The following RAPGEF5 variants were observed in gnomAD, a reference collection of about 807,000 sequenced individuals.
The protein encoded by RAPGEF5 is Rap guanine nucleotide exchange factor 5.
In RAPGEF5, 65 loss-of-function variants were observed where a neutral mutation model predicts 125.2. The observed-to-expected ratio is 0.52, with a 90% CI of 0.43 to 0.64. RAPGEF5 has a LOEUF of 0.64. RAPGEF5 is among the 30% of genes least tolerant of loss of function. RAPGEF5 has a pLI of 0.00. For synonymous variants in RAPGEF5, 391 were observed against 385.9 expected, an observed-to-expected ratio of 1.01 and a Z score of -0.16; for missense variants, 958 against 1,048.1, an observed-to-expected ratio of 0.91 and a Z score of 1.19.
At chr7:22,256,394 A>G (rs1304096148) in intron 7 of RAPGEF5, among the ~76,000 whole-genome samples, 2 of 152,216 alleles carry the variant, frequency 1.3e-5, no homozygotes, top group Non-Finnish European at 2.9e-5. Flanking sequence ...AAACATTGTT[A>G]GAACAGGATT....
intron 9 of RAPGEF5, among the ~76,000 whole-genome samples, chr7:22,217,293 T>C (rs1444718048): frequency 6.6e-6 from 1 of 152,222 alleles, no homozygotes; most frequent in Admixed American, 6.5e-5. Context: ...TTAAGTAAAC[T>C]GCAGTTTCCT....
chr7:22,188,793 G>A (rs1345258523), intron 11 of RAPGEF5, among the ~76,000 whole-genome samples: 1 of 150,494 alleles, frequency 6.6e-6, no homozygotes, highest in Non-Finnish European at 1.5e-5. Context: ...AAGTCACTAG[G>A]TTGACCATCA....
chr7:22,324,130 C>T (rs183603943), intron 1 of RAPGEF5, among the ~76,000 whole-genome samples: 3 of 152,310 alleles, frequency 2.0e-5, no homozygotes, highest in Admixed American at 6.5e-5. Context: ...TAAAAATTAT[C>T]GCCTATCATG....
At chr7:22,130,685 T>C (rs141606763) in intron 24 of RAPGEF5, among the ~76,000 whole-genome samples, 1 of 152,146 alleles carries the variant, frequency 6.6e-6, no homozygotes, top group African/African-American at 2.4e-5. Flanking sequence ...CAGTAAAACA[T>C]AATCTCCTGA....
At chr7:22,186,726 A>T (rs904160183) in intron 11 of RAPGEF5, among the ~76,000 whole-genome samples, 3 of 152,198 alleles carry the variant, frequency 2.0e-5, no homozygotes, top group African/African-American at 7.2e-5. Context: ...TCACAGTTAC[A>T]TTTTTTATAG....
chr7:22,346,386 T>TA (rs1237173446), intron 1 of RAPGEF5, among the ~76,000 whole-genome samples: 1 of 152,094 alleles, frequency 6.6e-6, no homozygotes, highest in Middle Eastern at 3.2e-3. Flanking sequence ...CTTCTCAACG[T>TA]AAAAAAAATT....
At position 22,322,806 on chromosome 7, in the gene RAPGEF5, G is replaced by A. The variant is rs1384906596; in HGVS notation, c.232-4769C>T. On this transcript the variant is annotated intron_variant, in intron 1 of 25. Coordinates refer to ENST00000665637, the MANE Select transcript of RAPGEF5 (RefSeq NM_012294.5). ...AAACATACTGAATTAGAATCTCTACGAGGAGACCTGGGCAGTCTTTCCTCA... is the reference window on the plus strand; with the variant it reads ...AAACATACTGAATTAGAATCTCTACAAGGAGACCTGGGCAGTCTTTCCTCA... Among the ~76,000 whole-genome samples the A allele has an allele frequency of 3.9e-5, 6 of 152,274 alleles. No homozygotes were observed. The South Asian group carries it at 1.0e-3, about 26-fold the overall frequency.
chr7:22,140,169 T>G, intron 20 of RAPGEF5, 54 bp from the exon 21 acceptor site: 1 of 1,469,366 alleles, frequency 6.8e-7, no homozygotes, highest in East Asian at 2.5e-5. Context: ...TTTCCCCAGA[T>G]AATCACAAAA....
At chr7:22,125,487 G>A in intron 25 of RAPGEF5, 117 bp downstream of exon 25, 1 of 927,348 alleles carries the variant, frequency 1.1e-6, no homozygotes, top group East Asian at 2.5e-5. Flanking sequence ...ATATGCGTAT[G>A]TATATACATA....
At chr7:22,224,275 C>T (rs1366072748) in intron 8 of RAPGEF5, among the ~76,000 whole-genome samples, 2 of 152,228 alleles carry the variant, frequency 1.3e-5, no homozygotes, top group East Asian at 1.9e-4. Flanking sequence ...CATTAAGATG[C>T]TCTTTTAATC....
At chr7:22,263,076 T>C (rs879587201) in intron 7 of RAPGEF5, among the ~76,000 whole-genome samples, 5 of 152,228 alleles carry the variant, frequency 3.3e-5, no homozygotes, top group Non-Finnish European at 7.3e-5. Flanking sequence ...ATAGGTTACA[T>C]ACTGTCTGAT....
intron 7 of RAPGEF5, 129 bp from the exon 8 acceptor site, chr7:22,231,048 AT>A (rs1786043953): frequency 1.2e-6 from 1 of 865,622 alleles, no homozygotes; most frequent in South Asian, 1.6e-5. Flanking sequence ...CATTGGCATT[AT>A]TTTTTGTTAA....
rs571116948 is a variant in RAPGEF5 at position 22,307,798 on chromosome 7, T to C, written c.680+541A>G. Among the ~76,000 whole-genome samples, 132 of 152,304 alleles carry C rather than the reference T, an allele frequency of 8.7e-4. 3 individuals are homozygous for C. In the South Asian group the frequency reaches 0.027, roughly 31 times the overall value. On this transcript the variant is annotated intron_variant, in intron 5 of 25. Coordinates refer to ENST00000665637, the MANE Select transcript of RAPGEF5 (RefSeq NM_012294.5). ...ATAATTCTAAAATAAGCTATCACCA[T>C]GGATAAACAAAGTCATGTCAGAATC...
chr7:22,286,734 G>A (rs972157616), intron 6 of RAPGEF5, among the ~76,000 whole-genome samples: 5 of 152,182 alleles, frequency 3.3e-5, no homozygotes, highest in Admixed American at 1.3e-4. Context: ...ACACTTCCCC[G>A]TATTTACTTT....
chr7:22,306,651 T>A (rs1331540492), intron 5 of RAPGEF5, among the ~76,000 whole-genome samples: 2 of 152,190 alleles, frequency 1.3e-5, no homozygotes, highest in Non-Finnish European at 2.9e-5. Context: ...CCAGATCAAT[T>A]TCCTGAAAAT....
chr7:22,326,862 C>G (rs77977029), intron 1 of RAPGEF5, among the ~76,000 whole-genome samples: 6,143 of 152,164 alleles, frequency 0.04, 417 homozygotes, highest in African/African-American at 0.14. Context: ...GTAGATCTTA[C>G]GTTAAGTGCT....
At chr7:22,155,543 C>T (rs552079217) in intron 16 of RAPGEF5, among the ~76,000 whole-genome samples, 1 of 152,188 alleles carries the variant, frequency 6.6e-6, no homozygotes, top group African/African-American at 2.4e-5. Context: ...ATTGGCACCA[C>T]AAAAATAAAC....
chr7:22,122,958 C>T (rs1016105412), intron 25 of RAPGEF5, among the ~76,000 whole-genome samples: 4 of 152,062 alleles, frequency 2.6e-5, no homozygotes, highest in Non-Finnish European at 4.4e-5. Context: ...CGTTGAAAAT[C>T]GCTGATAATG....
At chr7:22,299,947 T>G (rs981151048) in intron 5 of RAPGEF5, among the ~76,000 whole-genome samples, 2 of 152,246 alleles carry the variant, frequency 1.3e-5, no homozygotes, top group African/African-American at 2.4e-5. Context: ...TGTTTTTAAG[T>G]ATCTAGGAGT....
Sources: allele counts gnomAD v4.1 joint callset (sites outside exome capture counted in the v4.1 genomes callset), GRCh38; gene constraint gnomAD v4.1.1; transcripts MANE v1.5; gene names NCBI Gene and HGNC (gene_info 2026-07-23, HGNC 2026-07-21).